Variants in HOOK2 observed in about 807,000 individuals in gnomAD.
The protein encoded by HOOK2 is protein Hook homolog 2.
HOOK2 carries 108 observed loss-of-function variants against 111.9 expected under a neutral mutation model. That is an observed-to-expected ratio of 0.96 (90% CI 0.83 to 1.13). HOOK2 has a LOEUF of 1.13. Among genes scored for constraint, HOOK2 ranks in the 50% most tolerant of loss-of-function variants. HOOK2 has a pLI of 0.00. For missense variants in HOOK2, 978 were observed against 951.3 expected, an observed-to-expected ratio of 1.03 and a Z score of -0.37; for synonymous variants, 405 against 394.3, an observed-to-expected ratio of 1.03 and a Z score of -0.32.
At chr19:12,770,451 G>A (rs142879061) in intron 10 of HOOK2, among the ~76,000 whole-genome samples, 1 of 151,878 alleles carries the variant, frequency 6.6e-6, no homozygotes, top group East Asian at 1.9e-4. Flanking sequence ...TGCAATTGGG[G>A]GGTGCACTAG....
chr19:12,775,773 C>T (rs1968489581), upstream of HOOK2, among the ~76,000 whole-genome samples: 2 of 152,032 alleles, frequency 1.3e-5, no homozygotes, highest in Admixed American at 1.3e-4. Flanking sequence ...CGCCCTGGCC[C>T]TTTTTGGGGT....
rs373304494 is a variant in HOOK2, at chr19:12,763,555, C to A, written c.1983G>T (p.Lys661Asn). 13 of 1,614,108 alleles carry A rather than the reference C, an allele frequency of 8.1e-6. No homozygotes were observed. Among genetic ancestry groups the A allele is most frequent in the Admixed American group, 3.3e-5 (2 of 60,006 alleles). Reference protein sequence around the residue: ...KSRSQREQEEKLLISAWYNMG... With the variant: ...KSRSQREQEENLLISAWYNMG... ...TATTATACCAGGCACTGATGAGCAGCTTTTCTTCCTGCTCCCGCTGACTTC... is the reference window on the plus strand; with the variant it reads ...TATTATACCAGGCACTGATGAGCAGATTTTCTTCCTGCTCCCGCTGACTTC... The change falls in exon 22 of 23, where the codon AAG becomes AAT. Residue 661 changes from lysine to asparagine, a missense_variant. Lys to Asn is a moderately conservative substitution (Grantham distance 94). Transcript: ENST00000397668.
At position 12,763,439 on chromosome 19, in the gene HOOK2, A is replaced by G; in HGVS notation, c.2011-8T>C. On this transcript the variant is annotated splice_region_variant and splice_polypyrimidine_tract_variant and intron_variant, in intron 22 of 22. Coordinates refer to ENST00000397668, the MANE Select transcript of HOOK2 (RefSeq NM_013312.3). ...CTGCTGCAAGGCCATGCCCTTCAGG[A>G]GGAGGTGTGGTTGGGGTCAGGTGAG... The G allele has an allele frequency of 6.2e-7, 1 of 1,613,630 alleles. No homozygotes were observed. The highest frequency in any genetic ancestry group is 8.5e-7 in the Non-Finnish European group (1 of 1,179,762).
chr19:12,769,757 G>C (rs1968258293), intron 11 of HOOK2, 124 bp downstream of exon 11: 2 of 748,498 alleles, frequency 2.7e-6, no homozygotes, highest in East Asian at 3.6e-5. Flanking sequence ...GGAGGGAAGA[G>C]GCCCGGAGAG....
At chr19:12,768,943 G>A (rs927967378) in intron 11 of HOOK2, among the ~76,000 whole-genome samples, 4 of 150,794 alleles carry the variant, frequency 2.7e-5, no homozygotes, top group Non-Finnish European at 4.4e-5. Context: ...GATTACAGGC[G>A]CGCGCCACCA....
In HOOK2 at chr19:12,771,164, G is replaced by A. The variant is rs753535852; in HGVS notation, c.756C>T (p.Asn252=). ...CAGTCCCCAGCTGACCACACCTGAA[G>A]TTCTCCTCCTGCAACTGCTCCAGCT... ...QSQLEQLQEE[N]FRLESGREDE... is the part of the protein sequence containing the mutation. Residue 252 remains asparagine (N), a synonymous_variant, in exon 9 of 23, where the codon AAC becomes AAT. Coordinates refer to ENST00000397668, the MANE Select transcript of HOOK2 (RefSeq NM_013312.3). 2.5e-6 allele frequency: 4 copies of A among 1,613,600 alleles called. No homozygotes were observed. Among genetic ancestry groups the A allele is most frequent in the Admixed American group, 1.7e-5 (1 of 59,904 alleles).
In HOOK2 at chr19:12,791,222, A is replaced by C. The variant is rs1338713941; in HGVS notation, n.42-16997T>G. On this transcript the variant is annotated intron_variant and non_coding_transcript_variant, in intron 3 of 3. Transcript: ENST00000589765. This position sits in a 1 kb window ranked among gnomAD's most constrained non-coding sequence, Gnocchi z 7.0. ...TCCTCCTCCCTGAAACCCCTCACTC[A>C]TGTGCCTGGGCCCCCCAGCACCTCC... Among the ~76,000 whole-genome samples, 1 of 151,936 alleles carries C rather than the reference A, an allele frequency of 6.6e-6. No individual in the cohort carries two copies. The highest frequency in any genetic ancestry group is 1.5e-5 in the Non-Finnish European group (1 of 67,934).
chr19:12,765,965 G>A lies in HOOK2; in HGVS notation c.1561C>T (p.Gln521Ter). Residue 521 changes from glutamine (Q) to a stop codon, truncating the protein, a stop_gained, in exon 16 of 23, where the codon CAG (glutamine) becomes TAG (stop). Transcript: ENST00000397668. LOFTEE classifies it high-confidence loss of function. ...CCCCCCTGCTCCTGCAGGGCTTTCT[G>A]CAGGTCCTCCACCTGGGCCCGCAGC... is the stretch of plus-strand genomic sequence containing the variant. ...SELRAQVEDL[Q>*]KALQEQGGKT... The A allele has an allele frequency of 1.2e-6, 2 of 1,614,098 alleles. No homozygotes were observed. The highest frequency in any genetic ancestry group is 2.2e-5 in the South Asian group (2 of 91,084).
chr19:12,770,529 G>C (rs1968288921), intron 10 of HOOK2, among the ~76,000 whole-genome samples: 1 of 151,944 alleles, frequency 6.6e-6, no homozygotes, highest in Non-Finnish European at 1.5e-5. Flanking sequence ...AGGCACAGTA[G>C]AGTCAAAAGG....
At chr19:12,789,724 C>G (rs1968687638) in intron 3 of HOOK2, among the ~76,000 whole-genome samples, 1 of 150,764 alleles carries the variant, frequency 6.6e-6, no homozygotes, top group Non-Finnish European at 1.5e-5. Context: ...GGGGACCTGC[C>G]GGGCTGGGTT....
chr19:12,777,764 G>A (rs1279732836), upstream of HOOK2, among the ~76,000 whole-genome samples: 1 of 152,274 alleles, frequency 6.6e-6, no homozygotes, highest in African/African-American at 2.4e-5. Flanking sequence ...CGCAGAACGC[G>A]GCCTAGGGGG....
upstream of HOOK2, among the ~76,000 whole-genome samples, chr19:12,781,533 A>G (rs111775826): frequency 1.3e-3 from 190 of 151,810 alleles, no homozygotes; most frequent in Middle Eastern, 3.4e-3. Flanking sequence ...TCAGTGTGTT[A>G]GCCAGGATGG....
At chr19:12,764,321 A>AT (rs35170607) in intron 20 of HOOK2, 2,583 of 90,998 alleles carry the variant, frequency 0.028, 249 homozygotes, top group Admixed American at 0.074. Flanking sequence ...GCTGTGCGTA[A>AT]TTTTTTTTTT....
Position 12,763,514 on chromosome 19 carries a change from G to T in HOOK2, c.2010+14C>A, listed in dbSNP as rs769000396. On this transcript the variant is annotated intron_variant, in intron 22 of 22. Coordinates refer to ENST00000397668, the MANE Select transcript of HOOK2 (RefSeq NM_013312.3). ...TCTACCCATGAGATCTTAGAGCCCA[G>T]ACCCCACACTTACCATATTATACCA... The T allele has an allele frequency of 2.5e-6, 4 of 1,614,190 alleles. No homozygotes were observed. The Admixed American group carries it at 6.7e-5, about 27-fold the overall frequency.
chr19:12,785,905 C>T (rs891893319), intron 3 of HOOK2, among the ~76,000 whole-genome samples: 3 of 152,186 alleles, frequency 2.0e-5, no homozygotes, highest in African/African-American at 7.2e-5. Flanking sequence ...GCTCAGCAGC[C>T]TCTGCTCCTG....
Position 12,766,198 on chromosome 19 carries a change from G to C in HOOK2, c.1416C>G (p.Cys472Trp). 1 of 1,595,624 alleles carries C rather than the reference G, an allele frequency of 6.3e-7. No homozygotes were observed. The highest frequency in any genetic ancestry group is 8.5e-7 in the Non-Finnish European group (1 of 1,177,758). The change falls in exon 15 of 23, where the codon TGC becomes TGG. Residue 472 changes from cysteine (C) to tryptophan (W), a missense_variant. Coordinates refer to ENST00000397668, the MANE Select transcript of HOOK2 (RefSeq NM_013312.3). ...LRLQLENKRL[C>W]RQEAADRERQ... is the part of the protein sequence containing the mutation. ...GCTCCCGGTCGGCCGCCTCCTGCCT[G>C]CACAGCCGCTTGTTCTCCAGCTGAA...
intron 10 of HOOK2, 126 bp downstream of exon 10, chr19:12,770,806 A>AG (rs1345284308): frequency 3.4e-6 from 4 of 1,190,566 alleles, no homozygotes; most frequent in Non-Finnish European, 3.6e-6. Context: ...TGTGGAGTCC[A>AG]GGGGGCATAT....
rs747433727 is a variant in HOOK2 at position 12,772,844 on chromosome 19, C to T, written c.324G>A (p.Pro108=). 6.2e-6 allele frequency: 10 copies of T among 1,614,070 alleles called. No individual in the cohort carries two copies. Among genetic ancestry groups the T allele is most frequent in the Admixed American group, 3.3e-5 (2 of 60,012 alleles). The change falls in exon 5 of 23, where the codon CCG becomes CCA. Residue 108 remains proline (P), a synonymous_variant. Coordinates refer to ENST00000397668, the MANE Select transcript of HOOK2 (RefSeq NM_013312.3). ...DVSLIGEFSD[P]AELGKLLQLV... is the part of the protein sequence containing the mutation. The stretch of plus-strand genomic sequence containing the variant: ...GCTGAAGCAGCTTGCCGAGCTCTGC[C>T]GGGTCTGAGAACTCTCCAATGAGGC...
chr19:12,765,105 G>C, intron 18 of HOOK2, 24 bp from the exon 19 acceptor site: 1 of 1,612,836 alleles, frequency 6.2e-7, no homozygotes. Context: ...ATGAGCAGCA[G>C]TGGGCTGACC....
Sources: gnomAD v4.1 joint callset for allele counts (sites outside exome capture counted in the v4.1 genomes callset) on GRCh38, gnomAD v4.1.1 for gene constraint, Gnocchi (gnomAD v3.1) non-coding constraint, MANE v1.5 for transcripts, NCBI Gene and HGNC (gene_info 2026-07-23, HGNC 2026-07-21) for gene names.